ABAT: variants seen among roughly 807,000 people sequenced by gnomAD.
ABAT encodes 4-aminobutyrate aminotransferase, mitochondrial.
Under a neutral mutation model 64.6 loss-of-function variants are expected in ABAT, and 45 were observed. The ratio of observed to expected loss-of-function variants is 0.70; its 90% CI spans 0.55 to 0.89. ABAT has a LOEUF of 0.89. Ranked by LOEUF, ABAT falls within the 40% of genes least tolerant of loss-of-function variation. The pLI, the probability that ABAT is intolerant of heterozygous loss-of-function variation, is 0.00. For synonymous variants in ABAT, 297 were observed against 250.5 expected (o/e 1.19, Z -1.75); for missense variants, 633 against 658.4 (o/e 0.96, Z 0.42).
intron 1 of ABAT, among the ~76,000 whole-genome samples, chr16:8,717,676 G>T (rs1430004048): frequency 1.3e-5 from 2 of 152,150 alleles, no homozygotes; most frequent in African/African-American, 4.8e-5. Flanking sequence ...TCTCTCTTAA[G>T]ATAGTCCAAG....
chr16:8,756,324 C>A (rs2059647609), intron 5 of ABAT, among the ~76,000 whole-genome samples: 1 of 152,190 alleles, frequency 6.6e-6, no homozygotes, highest in African/African-American at 2.4e-5. Context: ...AAGATTACAA[C>A]AATCTTGCTT....
At chr16:8,773,935 T>A (rs968369864) in intron 12 of ABAT, among the ~76,000 whole-genome samples, 1 of 152,126 alleles carries the variant, frequency 6.6e-6, no homozygotes, top group Non-Finnish European at 1.5e-5. Context: ...CATATTTTCT[T>A]TTTCTTTTTT....
chr16:8,767,831 ATG>A, intron 9 of ABAT, among the ~76,000 whole-genome samples: 1 of 151,750 alleles, frequency 6.6e-6, no homozygotes, highest in Non-Finnish European at 1.5e-5. Flanking sequence ...CCCCACCACC[ATG>A]CCTGTCTAAT....
chr16:8,780,181 G>A (rs1439703574), intron 15 of ABAT, among the ~76,000 whole-genome samples: 1 of 152,130 alleles, frequency 6.6e-6, no homozygotes, highest in Non-Finnish European at 1.5e-5. Flanking sequence ...GGGGCGTGAA[G>A]GCGAACGGTT....
intron 9 of ABAT, 56 bp from the exon 10 acceptor site, chr16:8,768,137 A>G (rs947705390): frequency 1.4e-5 from 22 of 1,540,092 alleles, no homozygotes; most frequent in East Asian, 1.3e-4. Flanking sequence ...AGGGGCAACA[A>G]TACAGTTCCC....
In ABAT at chr16:8,769,417, G is replaced by A. The variant is rs150614359; in HGVS notation, c.816+444G>A. Among the ~76,000 whole-genome samples, 851 of 152,078 alleles carry A rather than the reference G, an allele frequency of 5.6e-3. 8 individuals carry two copies. The highest frequency in any genetic ancestry group is 0.02 in the African/African-American group (821 of 41,494). On this transcript the variant is annotated intron_variant, in intron 11 of 15. Coordinates refer to ENST00000268251, the MANE Select transcript of ABAT (RefSeq NM_020686.6). ...CCCCATCTCTACTAAAAATTAGCTG[G>A]GTGTGGTGGCACATGCCTGTAATCC...
intron 5 of ABAT, among the ~76,000 whole-genome samples, chr16:8,755,089 C>A (rs2059612955): frequency 6.6e-6 from 1 of 152,182 alleles, no homozygotes; most frequent in African/African-American, 2.4e-5. Flanking sequence ...TTCTTTCTTT[C>A]TTTTCTCTGC....
intron 1 of ABAT, among the ~76,000 whole-genome samples, chr16:8,675,631 A>C (rs2057181036): frequency 6.6e-6 from 1 of 152,188 alleles, no homozygotes; most frequent in African/African-American, 2.4e-5. Context: ...GAGGGGGTTC[A>C]GCGAGATTTA....
chr16:8,682,186 T>TACACACACACACACAC lies in ABAT; in HGVS notation c.-42+7501_-42+7516dup, dbSNP rs55951090. 4.6e-4 allele frequency among the ~76,000 whole-genome samples: 61 copies of TACACACACACACACAC among 131,556 alleles called. 1 individual carries two copies. The highest frequency in any genetic ancestry group is 6.2e-4 in the Non-Finnish European group (38 of 61,448). The allele number at this position is 131,556 out of a possible 152,430, so 86.3% of individuals were successfully genotyped here. Reference sequence around the variant, plus strand: ...ATCAGATTGCTTGTGCCTAACAGGATACACACACACACACACACACACACA... The same window carrying TACACACACACACACAC: ...ATCAGATTGCTTGTGCCTAACAGGATACACACACACACACACACACACACACACACACACACACACA... On this transcript the variant is annotated intron_variant, in intron 1 of 15. Transcript: ENST00000268251.
intron 1 of ABAT, among the ~76,000 whole-genome samples, chr16:8,677,546 CA>C (rs1456479566): frequency 3.3e-5 from 5 of 152,122 alleles, no homozygotes; most frequent in Non-Finnish European, 5.9e-5. Flanking sequence ...GAGGGGTTCT[CA>C]TTTTGGGCAC....
rs545686817 is a variant in ABAT at position 8,713,417 on chromosome 16, A to G, written c.-41-22282A>G. On this transcript the variant is annotated intron_variant, in intron 1 of 15. Transcript: ENST00000268251. ...GCTGGGCTTAAAACATCTTTTAAAA[A>G]AAATCTGTATTCTATTTTTTTCTCT... The G allele has an allele frequency of 1.8e-5, 3 of 162,230 alleles. No homozygotes were observed. In the East Asian group the frequency reaches 5.3e-4, roughly 29 times the overall value. 10.0% of individuals were successfully genotyped at this position (162,230 alleles called of 1,614,324 possible).
At chr16:8,722,634 GC>G in intron 1 of ABAT, 1 of 371,168 alleles carries the variant, frequency 2.7e-6, no homozygotes, top group Non-Finnish European at 5.1e-6. Context: ...GACCAGGAGG[GC>G]CAACAACCAG....
Position 8,715,766 on chromosome 16 carries a change from TA to T in ABAT, c.-41-19926del, listed in dbSNP as rs927699036. On this transcript the variant is annotated intron_variant, in intron 1 of 15. Coordinates refer to ENST00000268251, the MANE Select transcript of ABAT (RefSeq NM_020686.6). ...ATGAATATGCCAATAATAAATAAAT[TA>T]AAAAAAGATAATAGTATTTTATTAA... 13 of 144,928 alleles carry T rather than the reference TA, an allele frequency of 9.0e-5. No homozygotes were observed. In the East Asian group the frequency reaches 9.7e-4, roughly 11 times the overall value. 9.0% of individuals were successfully genotyped at this position (144,928 alleles called of 1,614,324 possible).
chr16:8,746,033 G>T lies in ABAT; in HGVS notation c.103G>T (p.Val35Phe). 1 of 1,614,072 alleles carries T rather than the reference G, an allele frequency of 6.2e-7. No homozygotes were observed. The highest frequency in any genetic ancestry group is 8.5e-7 in the Non-Finnish European group (1 of 1,179,992). ...ACACATTAGTCAAGCTGCAGCCAAA[G>T]TCGACGTTGAATTTGATTATGATGG... Reference protein sequence around the residue: ...SRHISQAAAKVDVEFDYDGPL... With the variant: ...SRHISQAAAKFDVEFDYDGPL... The change falls in exon 3 of 16, where the codon GTC (valine) becomes TTC (phenylalanine). Residue 35 changes from valine (V) to phenylalanine (F), a missense_variant. Transcript: ENST00000268251.
At chr16:8,754,706 CTTTCTTTCTTTCTTTCT>C (rs2059600465) in intron 5 of ABAT, among the ~76,000 whole-genome samples, 5 of 32,302 alleles carry the variant, frequency 1.5e-4, no homozygotes, top group Admixed American at 3.5e-4. Flanking sequence ...TTCTTTCTTT[CTTTCTTTCTTTCTTTCT>C]TTTTTTTTTC....
At position 8,779,641 on chromosome 16, in the gene ABAT, G is replaced by C. The variant is rs948486450; in HGVS notation, c.1381+51G>C. 2.1e-6 allele frequency: 3 copies of C among 1,444,930 alleles called. No homozygotes were observed. The Admixed American group carries it at 5.1e-5, about 25-fold the overall frequency. 89.5% of individuals were successfully genotyped at this position (1,444,930 alleles called of 1,614,324 possible). ...GTTTCATGAGCATCCAGTATCTCCT[G>C]CTGTAGCTGCCACATGTTGCTAGGT... On this transcript the variant is annotated intron_variant, in intron 15 of 15. Transcript: ENST00000268251.
At chr16:8,726,559 G>A (rs1032527174) in intron 1 of ABAT, among the ~76,000 whole-genome samples, 1 of 152,148 alleles carries the variant, frequency 6.6e-6, no homozygotes, top group Non-Finnish European at 1.5e-5. Flanking sequence ...TCCATTGCGT[G>A]TATGAACCAC....
chr16:8,749,715 G>GT (rs2059426561), intron 4 of ABAT, among the ~76,000 whole-genome samples: 1 of 149,170 alleles, frequency 6.7e-6, no homozygotes, highest in African/African-American at 2.5e-5. Flanking sequence ...CTCTTTTAAT[G>GT]TTTTTGTTTT....
At chr16:8,770,731 G>A (rs1026037372) in intron 11 of ABAT, among the ~76,000 whole-genome samples, 5 of 152,202 alleles carry the variant, frequency 3.3e-5, no homozygotes, top group Admixed American at 6.5e-5. Flanking sequence ...GTGAGCCACC[G>A]TGCGTGGCCA....
Sources: allele counts gnomAD v4.1 joint callset (sites outside exome capture counted in the v4.1 genomes callset), GRCh38; gene constraint gnomAD v4.1.1; transcripts MANE v1.5; gene names NCBI Gene and HGNC (gene_info 2026-07-23, HGNC 2026-07-21).